The following WIPI2 variants were observed in gnomAD, a reference collection of about 807,000 sequenced individuals.
WIPI2 encodes the protein WD repeat domain, phosphoinositide interacting 2.
WIPI2 carries 28 observed loss-of-function variants against 52.3 expected under a neutral mutation model. That is an observed-to-expected ratio of 0.54 (90% CI 0.40 to 0.73). The LOEUF is 0.73. WIPI2 is among the 30% of genes least tolerant of loss of function. The pLI, the probability that WIPI2 is intolerant of heterozygous loss-of-function variation, is 0.00. For missense variants in WIPI2, 506 were observed against 602.9 expected (o/e 0.84, Z 1.68); for synonymous variants, 268 against 245.0 (o/e 1.09, Z -0.88).
Position 5,233,623 on chromosome 7 carries a change from T to A in WIPI2, c.*2676T>A, listed in dbSNP as rs936549351. ...GATGGAACCTGGAGTCAAAAAGAAC[T>A]GCTTCAGTCCCCGCTGTACCGCCTG... On this transcript the variant is annotated 3_prime_UTR_variant, in exon 13 of 13. Coordinates refer to ENST00000288828, the MANE Select transcript of WIPI2 (RefSeq NM_015610.4). The A allele has an allele frequency of 2.3e-4, 35 of 152,470 alleles. No individual in the cohort carries two copies. The highest frequency in any genetic ancestry group is 2.3e-3 in the Admixed American group (35 of 15,268). The allele number at this position is 152,470 out of a possible 1,614,324, so 9.4% of individuals were successfully genotyped here. A position where few individuals can be genotyped will look rare whatever the true frequency, so the allele number is the denominator to read the frequency against.
At chr7:5,223,257 G>C (rs1783241536) in intron 8 of WIPI2, among the ~76,000 whole-genome samples, 1 of 152,208 alleles carries the variant, frequency 6.6e-6, no homozygotes, top group Admixed American at 6.5e-5. Flanking sequence ...CCGTGCCTCA[G>C]ATTGGAGCCC....
At chr7:5,224,171 C>T (rs1055124488) in intron 8 of WIPI2, among the ~76,000 whole-genome samples, 8 of 152,218 alleles carry the variant, frequency 5.3e-5, no homozygotes, top group Non-Finnish European at 7.3e-5. Context: ...CCAGCAGTAC[C>T]GCACTTTCAG....
chr7:5,232,621 C>G lies in WIPI2; in HGVS notation c.*1674C>G, dbSNP rs533390918. On this transcript the variant is annotated 3_prime_UTR_variant, in exon 13 of 13. Transcript: ENST00000288828. ...GCTTGAGCAGGGATGAGAAGGGCCGCGGCAGCACGCAGCCTTGACCCACGC... is the reference window on the plus strand; with the variant it reads ...GCTTGAGCAGGGATGAGAAGGGCCGGGGCAGCACGCAGCCTTGACCCACGC... 3.5e-6 allele frequency: 1 copy of G among 286,196 alleles called. No homozygotes were observed. Among genetic ancestry groups the G allele is most frequent in the South Asian group, 1.7e-4 (1 of 6,030 alleles). 17.7% of individuals were successfully genotyped at this position (286,196 alleles called of 1,614,324 possible). A position where few individuals can be genotyped will look rare whatever the true frequency, so the allele number is the denominator to read the frequency against.
chr7:5,216,676 G>T lies in WIPI2; in HGVS notation c.478+17G>T, dbSNP rs183795921. On this transcript the variant is annotated intron_variant, in intron 5 of 12. Transcript: ENST00000288828. ...ACCCTGCAGGTGAGCTAACTTGTGAGGAGAGAATCCCATTTTTCTGATTTT... is the reference window on the plus strand; with the variant it reads ...ACCCTGCAGGTGAGCTAACTTGTGATGAGAGAATCCCATTTTTCTGATTTT... The T allele has an allele frequency of 6.2e-7, 1 of 1,612,214 alleles. No individual in the cohort carries two copies. Among genetic ancestry groups the T allele is most frequent in the African/African-American group, 1.3e-5 (1 of 75,010 alleles).
intron 3 of WIPI2, among the ~76,000 whole-genome samples, chr7:5,200,636 C>T (rs1484400965): frequency 6.6e-6 from 1 of 152,130 alleles, no homozygotes; most frequent in Non-Finnish European, 1.5e-5. Context: ...TCACCGCACC[C>T]TCCGTCTCCC....
chr7:5,217,331 G>T, intron 6 of WIPI2, 144 bp downstream of exon 6: 1 of 846,286 alleles, frequency 1.2e-6, no homozygotes, highest in Non-Finnish European at 1.9e-6. Flanking sequence ...TTGAGACAGG[G>T]TCTGGCTCTG....
chr7:5,219,770 T>A (rs752733422), intron 7 of WIPI2, among the ~76,000 whole-genome samples: 1 of 152,138 alleles, frequency 6.6e-6, no homozygotes, highest in Non-Finnish European at 1.5e-5. Flanking sequence ...ATTCTCTAAT[T>A]CTCAATGTTA....
chr7:5,196,376 A>C (rs1366324445), intron 2 of WIPI2, among the ~76,000 whole-genome samples: 1 of 152,206 alleles, frequency 6.6e-6, no homozygotes, highest in Non-Finnish European at 1.5e-5. Context: ...ACTTATCTTT[A>C]CTGATAAAGT....
At position 5,232,765 on chromosome 7, in the gene WIPI2, C is replaced by T. The variant is rs191215673; in HGVS notation, c.*1818C>T. 2.3e-4 allele frequency: 36 copies of T among 157,922 alleles called. No individual in the cohort carries two copies. The highest frequency in any genetic ancestry group is 4.6e-4 in the Non-Finnish European group (33 of 72,012). 9.8% of individuals were successfully genotyped at this position (157,922 alleles called of 1,614,324 possible). ...GGGGAAAAAGTGTGCACAAGAGATA[C>T]GGAACCCTGAGCTAGGGTTTCCTGT... On this transcript the variant is annotated 3_prime_UTR_variant, in exon 13 of 13. Transcript: ENST00000288828.
chr7:5,214,612 A>G lies in WIPI2; in HGVS notation c.289A>G (p.Arg97Gly), dbSNP rs1184796899. ...GGCCATCGTCAGCCTTAAAGCACCA[A>G]GGAAGCTAAAGGTTTGCCACTTTAA... is the stretch of plus-strand genomic sequence containing the variant. Reference protein sequence around the residue: ...LVAIVSLKAPRKLKVCHFKKG... With the variant: ...LVAIVSLKAPGKLKVCHFKKG... The change falls in exon 4 of 13, where the codon AGG becomes GGG. Residue 97 changes from arginine to glycine, a missense_variant. By Grantham distance (125) the Arg-to-Gly change is moderately radical. Around this residue, in one of 4 missense-constraint regions of WIPI2, gnomAD observed 237 missense variants for 346.9 expected, o/e 0.68. Coordinates refer to ENST00000288828, the MANE Select transcript of WIPI2 (RefSeq NM_015610.4). 1 of 1,614,136 alleles carries G rather than the reference A, an allele frequency of 6.2e-7. No homozygotes were observed. Among genetic ancestry groups the G allele is most frequent in the Non-Finnish European group, 8.5e-7 (1 of 1,180,050 alleles).
At chr7:5,192,530 G>C (rs1430865175) in intron 1 of WIPI2, among the ~76,000 whole-genome samples, 8 of 152,142 alleles carry the variant, frequency 5.3e-5, no homozygotes, top group Non-Finnish European at 1.2e-4. Context: ...TTCACACTTG[G>C]ACATTTTCAC....
At chr7:5,205,024 G>A (rs1782224902) in intron 3 of WIPI2, among the ~76,000 whole-genome samples, 1 of 151,992 alleles carries the variant, frequency 6.6e-6, no homozygotes, top group South Asian at 2.1e-4. Context: ...CATCCAGGCT[G>A]GAGTGCAGTG....
chr7:5,216,429 C>A, intron 4 of WIPI2, 134 bp from the exon 5 acceptor site: 1 of 702,844 alleles, frequency 1.4e-6, no homozygotes, highest in Non-Finnish European at 2.4e-6. Flanking sequence ...GAGACACTGA[C>A]TCCAAAAAAA....
In WIPI2 at chr7:5,222,681, C is replaced by A; in HGVS notation, c.740+9C>A. The A allele has an allele frequency of 4.3e-6, 7 of 1,611,650 alleles. No homozygotes were observed. Among genetic ancestry groups the A allele is most frequent in the Non-Finnish European group, 5.9e-6 (7 of 1,178,050 alleles). ...CGGAGAGGAGTAAAGAGGTAAAGTA[C>A]GTGAATGTCCAGAATGGATTCTGGA... On this transcript the variant is annotated intron_variant, in intron 8 of 12. Transcript: ENST00000288828.
At chr7:5,228,374 G>A (rs903510133) in intron 11 of WIPI2, among the ~76,000 whole-genome samples, 163 bp downstream of exon 11, 3 of 152,258 alleles carry the variant, frequency 2.0e-5, no homozygotes, top group Non-Finnish European at 4.4e-5. Flanking sequence ...GCTTTCCCAG[G>A]TGAAATCAAT....
intron 3 of WIPI2, among the ~76,000 whole-genome samples, chr7:5,203,279 C>G (rs1406596890): frequency 6.6e-6 from 1 of 152,096 alleles, no homozygotes; most frequent in Admixed American, 6.6e-5. Flanking sequence ...GAGGAGAAAC[C>G]ACGAGCGTCC....
chr7:5,208,891 G>A (rs1167868454), intron 3 of WIPI2, among the ~76,000 whole-genome samples: 1 of 152,098 alleles, frequency 6.6e-6, no homozygotes, highest in African/African-American at 2.4e-5. Context: ...TTATGATTAG[G>A]ATGGGATTGG....
Position 5,230,508 on chromosome 7 carries a change from G to C in WIPI2, c.1253-327G>C, listed in dbSNP as rs562145755. Among the ~76,000 whole-genome samples, 109 of 152,298 alleles carry C rather than the reference G, an allele frequency of 7.2e-4. No homozygotes were observed. The highest frequency in any genetic ancestry group is 2.6e-3 in the African/African-American group (107 of 41,570). On this transcript the variant is annotated intron_variant, in intron 12 of 12. Coordinates refer to ENST00000288828, the MANE Select transcript of WIPI2 (RefSeq NM_015610.4). The surrounding 1 kb of genome is among the most constrained non-coding windows in gnomAD (Gnocchi z 4.8). Reference sequence around the variant, plus strand: ...TCCAGTTCATGAGCCCACCCTGAGAGTCTCCTAGTGTCATTTTTTTTCCTG... The same window carrying C: ...TCCAGTTCATGAGCCCACCCTGAGACTCTCCTAGTGTCATTTTTTTTCCTG...
intron 4 of WIPI2, among the ~76,000 whole-genome samples, chr7:5,215,467 G>A (rs1027838003): frequency 2.6e-5 from 4 of 152,194 alleles, no homozygotes; most frequent in Admixed American, 2.0e-4. Context: ...CGTGTTTCAC[G>A]CACGTGTGTG....
Sources: allele counts gnomAD v4.1 joint callset (sites outside exome capture counted in the v4.1 genomes callset), GRCh38; gene constraint gnomAD v4.1.1; regional missense constraint gnomAD v4.1.1; non-coding constraint Gnocchi (gnomAD v3.1); transcripts MANE v1.5; gene names NCBI Gene and HGNC (gene_info 2026-07-23, HGNC 2026-07-21).